ADPRHL1: variants seen among roughly 807,000 people sequenced by gnomAD.
ADPRHL1 encodes inactive ADP-ribosyltransferase ARH2.
ADPRHL1 carries 43 observed loss-of-function variants against 44.1 expected under a neutral mutation model. The observed-to-expected ratio is 0.98, with a 90% CI of 0.76 to 1.26. The LOEUF (loss-of-function observed/expected upper bound fraction) is 1.26. Among genes scored for constraint, ADPRHL1 ranks in the 50% most tolerant of loss-of-function variants. The pLI, the probability that ADPRHL1 is intolerant of heterozygous loss-of-function variation, is 0.00. For synonymous variants in ADPRHL1, 878 were observed against 1,017.4 expected (o/e 0.86, Z 2.61); for missense variants, 2,022 against 2,496.9 (o/e 0.81, Z 4.05).
intron 3 of ADPRHL1, among the ~76,000 whole-genome samples, chr13:113,431,321 A>G (rs1344422210): frequency 1.3e-5 from 2 of 152,220 alleles, no homozygotes; most frequent in African/African-American, 4.8e-5. Context: ...GTGACACGCC[A>G]TGCGGAGACA....
rs1435717290 is a variant in ADPRHL1, at chr13:113,429,168, C to T, written c.506-76G>A. 9 of 1,539,752 alleles carry T rather than the reference C, an allele frequency of 5.8e-6. No individual in the cohort carries two copies. The East Asian group carries it at 9.6e-5, about 16-fold the overall frequency. On this transcript the variant is annotated intron_variant, in intron 3 of 7. Coordinates refer to ENST00000612156, the MANE Select transcript of ADPRHL1 (RefSeq NM_001394807.1). ...GGGCCTGGGGCCGCCCGCCACGCTGCGTGGGACTCCCGAGGAAGGGTTTGC... is the reference window on the plus strand; with the variant it reads ...GGGCCTGGGGCCGCCCGCCACGCTGTGTGGGACTCCCGAGGAAGGGTTTGC...
intron 7 of ADPRHL1, among the ~76,000 whole-genome samples, chr13:113,413,766 C>T (rs73571493): frequency 0.019 from 2,872 of 152,314 alleles, 32 homozygotes; most frequent in African/African-American, 0.035. Context: ...GGGGCGAGAC[C>T]GGGCCTCCCT....
In ADPRHL1 at chr13:113,409,821, A is replaced by G. The variant is rs1000980999; in HGVS notation, c.1062-1601T>C. The G allele has an allele frequency of 2.9e-5, 22 of 762,162 alleles. No homozygotes were observed. Among genetic ancestry groups the G allele is most frequent in the African/African-American group, 3.8e-5 (2 of 51,974 alleles). 47.2% of individuals were successfully genotyped at this position (762,162 alleles called of 1,614,324 possible). A position where few individuals can be genotyped will look rare whatever the true frequency, so the allele number is the denominator to read the frequency against. ...GGCGAATGGCGTGAACCCAGGAGGC[A>G]GAGCTTGCAGTGAGCCGAGATCGCA... On this transcript the variant is annotated intron_variant, in intron 7 of 7. Coordinates refer to ENST00000612156, the MANE Select transcript of ADPRHL1 (RefSeq NM_001394807.1). This position sits in a 1 kb window ranked among gnomAD's most constrained non-coding sequence, Gnocchi z 4.2.
intron 7 of ADPRHL1, among the ~76,000 whole-genome samples, chr13:113,421,071 G>A: frequency 8.9e-6 from 1 of 112,922 alleles, no homozygotes; most frequent in Non-Finnish European, 1.8e-5. Context: ...CTACCCCCAG[G>A]ACATGCCTAT....
chr13:113,417,606 G>C (rs2043893284), intron 7 of ADPRHL1, among the ~76,000 whole-genome samples: 1 of 152,240 alleles, frequency 6.6e-6, no homozygotes, highest in Non-Finnish European at 1.5e-5. Flanking sequence ...CTGACCAGCA[G>C]CCGCTGCTCG....
Position 113,405,113 on chromosome 13 carries a change from G to T in ADPRHL1, c.4169C>A (p.Pro1390His). 2.4e-6 allele frequency: 3 copies of T among 1,232,264 alleles called. No individual in the cohort carries two copies. Among genetic ancestry groups the T allele is most frequent in the Non-Finnish European group, 3.0e-6 (3 of 988,376 alleles). The allele number at this position is 1,232,264 out of a possible 1,614,324, so 76.3% of individuals were successfully genotyped here. The change falls in exon 8 of 8, where the codon CCC (proline) becomes CAC (histidine). Residue 1390 changes from proline to histidine, a missense_variant. Around this residue, in one of 8 missense-constraint regions of ADPRHL1, gnomAD observed 1,221 missense variants for 1,517.8 expected, o/e 0.80. Coordinates refer to ENST00000612156, the MANE Select transcript of ADPRHL1 (RefSeq NM_001394807.1). Reference sequence around the variant, plus strand: ...CCTCTTCCCCGCATCCCCGGGCTGGGGGGTCTCCTCCTGTGCCTGGTGACT... The same window carrying T: ...CCTCTTCCCCGCATCCCCGGGCTGGTGGGTCTCCTCCTGTGCCTGGTGACT... ...QQSHQAQEET[P>H]QPGDAGKRVA...
Position 113,428,974 on chromosome 13 carries a change from C to T in ADPRHL1, c.624G>A (p.Arg208=). 6.2e-7 allele frequency: 1 copy of T among 1,612,736 alleles called. No individual in the cohort carries two copies. Among genetic ancestry groups the T allele is most frequent in the East Asian group, 2.2e-5 (1 of 44,878 alleles). Residue 208 remains arginine, a synonymous_variant, in exon 4 of 8, where the codon AGG becomes AGA. Coordinates refer to ENST00000612156, the MANE Select transcript of ADPRHL1 (RefSeq NM_001394807.1). ...CACCTGCCGTGTGCCGGATGGTCTT[C>T]CTGCAGTACTCTTCTGCCAGAGGCA... ...RAVPLAEEYC[R]KTIRHTAEYQ...
chr13:113,420,558 G>A (rs2043910528), intron 7 of ADPRHL1, among the ~76,000 whole-genome samples: 1 of 152,058 alleles, frequency 6.6e-6, no homozygotes, highest in South Asian at 2.1e-4. Context: ...TTCCTGAAAG[G>A]TAATTCTCAG....
At chr13:113,437,564 C>T (rs1001628431) in intron 2 of ADPRHL1, among the ~76,000 whole-genome samples, 2 of 152,244 alleles carry the variant, frequency 1.3e-5, no homozygotes, top group African/African-American at 4.8e-5. Context: ...GGAGAACGTG[C>T]CGTGCTTTCC....
chr13:113,418,165 G>A (rs2043896137), intron 7 of ADPRHL1, among the ~76,000 whole-genome samples: 1 of 152,182 alleles, frequency 6.6e-6, no homozygotes, highest in Non-Finnish European at 1.5e-5. Flanking sequence ...GCAGCTCTGG[G>A]AGAAATACTC....
At chr13:113,429,924 A>C (rs539056866) in intron 3 of ADPRHL1, among the ~76,000 whole-genome samples, 58 of 152,354 alleles carry the variant, frequency 3.8e-4, no homozygotes, top group Non-Finnish European at 6.0e-4. Context: ...TTTACTGAAA[A>C]ATAAATGCAT....
At position 113,408,873 on chromosome 13, in the gene ADPRHL1, A is replaced by AG. The variant is rs11409959; in HGVS notation, c.1062-654dup. Among the ~76,000 whole-genome samples the AG allele has an allele frequency of 3.7e-3, 151 of 41,056 alleles. 1 individual carries two copies. Among genetic ancestry groups the AG allele is most frequent in the Middle Eastern group, 0.029 (2 of 70 alleles). The allele number at this position is 41,056 out of a possible 152,430, so 26.9% of individuals were successfully genotyped here. A position where few individuals can be genotyped will look rare whatever the true frequency, so the allele number is the denominator to read the frequency against. ...AGGGGGCTGCAGAGAGGAAGGGAGG[A>AG]GGGGGCTGCAGAGAGGAGGGAAAGA... On this transcript the variant is annotated intron_variant, in intron 7 of 7. Transcript: ENST00000612156.
At chr13:113,446,359 C>T (rs1234081979) in intron 1 of ADPRHL1, among the ~76,000 whole-genome samples, 1 of 152,164 alleles carries the variant, frequency 6.6e-6, no homozygotes, top group South Asian at 2.1e-4. Context: ...TGGCTGCAAA[C>T]CCCCGGAGAA....
Position 113,403,559 on chromosome 13 carries a change from T to A in ADPRHL1, c.5723A>T (p.Asp1908Val), listed in dbSNP as rs1218705135. ...PQAPAQEGSP[D>V]HPGAERALQD... ...CAGGGCCCTCTCAGCCCCAGGGTGG[T>A]CTGGGGACCCCTCCTGGGCCGGGGC... is the stretch of plus-strand genomic sequence containing the variant. Residue 1908 changes from aspartate to valine, a missense_variant, in exon 8 of 8, where the codon GAC becomes GTC. Asp to Val is a radical substitution (Grantham distance 152). This residue lies in a region of ADPRHL1 where 205 missense variants were observed against 250.1 expected (regional missense o/e 0.82). Coordinates refer to ENST00000612156, the MANE Select transcript of ADPRHL1 (RefSeq NM_001394807.1). 3 of 1,231,582 alleles carry A rather than the reference T, an allele frequency of 2.4e-6. No homozygotes were observed. The highest frequency in any genetic ancestry group is 4.2e-5 in the Admixed American group (1 of 23,682). The allele number at this position is 1,231,582 out of a possible 1,614,324, so 76.3% of individuals were successfully genotyped here.
At chr13:113,421,687 G>T (rs2043924779) in intron 7 of ADPRHL1, among the ~76,000 whole-genome samples, 1 of 152,200 alleles carries the variant, frequency 6.6e-6, no homozygotes, top group Non-Finnish European at 1.5e-5. Flanking sequence ...CACTCACACA[G>T]GAATCCTAAG....
At chr13:113,430,597 C>T (rs1329101255) in intron 3 of ADPRHL1, among the ~76,000 whole-genome samples, 3 of 151,996 alleles carry the variant, frequency 2.0e-5, no homozygotes, top group South Asian at 2.1e-4. Context: ...GTACTAGTGA[C>T]GGTATCATGT....
At chr13:113,428,428 C>T (rs1330926150) in intron 4 of ADPRHL1, among the ~76,000 whole-genome samples, 1 of 152,184 alleles carries the variant, frequency 6.6e-6, no homozygotes, top group East Asian at 1.9e-4. Context: ...CTCCCCCTGC[C>T]GCCCCCTCCC....
Position 113,403,101 on chromosome 13 carries a change from C to A in ADPRHL1, c.*277G>T. Reference sequence around the variant, plus strand: ...TGTGAGAGAGGGGTGAGCCGGCGCCCCCGAGTGAAGACACAAAGAATCCCG... The same window carrying A: ...TGTGAGAGAGGGGTGAGCCGGCGCCACCGAGTGAAGACACAAAGAATCCCG... On this transcript the variant is annotated 3_prime_UTR_variant, in exon 8 of 8. Coordinates refer to ENST00000612156, the MANE Select transcript of ADPRHL1 (RefSeq NM_001394807.1). The A allele has an allele frequency of 4.0e-6, 1 of 248,610 alleles. No individual in the cohort carries two copies. Among genetic ancestry groups the A allele is most frequent in the Non-Finnish European group, 7.2e-6 (1 of 139,330 alleles). The allele number at this position is 248,610 out of a possible 1,614,324, so 15.4% of individuals were successfully genotyped here.
chr13:113,453,338 G>A lies in ADPRHL1; in HGVS notation c.100C>T (p.Gln34Ter), dbSNP rs377610257. The A allele has an allele frequency of 5.0e-6, 8 of 1,614,184 alleles. No individual in the cohort carries two copies. Among genetic ancestry groups the A allele is most frequent in the Non-Finnish European group, 6.8e-6 (8 of 1,180,040 alleles). The part of the protein sequence containing the change: ...KENSTVGMKI[Q>*]EELQRSGGLD... ...CCCCCGGAACGTTGCAGCTCCTCCT[G>A]GATCTTCATGCCTACAGTGCTGTTC... is the stretch of plus-strand genomic sequence containing the variant. The change falls in exon 1 of 8, where the codon CAG (glutamine) becomes TAG (stop). Residue 34 changes from glutamine to a stop codon, truncating the protein, a stop_gained. Coordinates refer to ENST00000612156, the MANE Select transcript of ADPRHL1 (RefSeq NM_001394807.1). LOFTEE classifies it high-confidence loss of function. This position sits in a 1 kb window ranked among gnomAD's most constrained non-coding sequence, Gnocchi z 5.4.
Sources: gnomAD v4.1 joint callset for allele counts (sites outside exome capture counted in the v4.1 genomes callset) on GRCh38, gnomAD v4.1.1 for gene constraint, gnomAD v4.1.1 regional missense constraint, Gnocchi (gnomAD v3.1) non-coding constraint, MANE v1.5 for transcripts, NCBI Gene and HGNC (gene_info 2026-07-23, HGNC 2026-07-21) for gene names.